The following EYS variants were observed in gnomAD, a reference collection of about 807,000 sequenced individuals.
EYS encodes EGF-like photoreceptor maintenance factor.
EYS carries 250 observed loss-of-function variants against 282.1 expected under a neutral mutation model. That is an observed-to-expected ratio of 0.89 (90% CI 0.80 to 0.98). The LOEUF (loss-of-function observed/expected upper bound fraction) is 0.98, where lower values mean the gene tolerates loss of function less well. Ranked by LOEUF, EYS falls within the 50% of genes least tolerant of loss-of-function variation. The pLI is 0.00. For synonymous variants in EYS, 1,355 were observed against 1,282.9 expected (o/e 1.06, Z -1.20); for missense variants, 4,016 against 3,709.0 (o/e 1.08, Z -2.15).
At position 65,646,020 on chromosome 6, in the gene EYS, T is replaced by C. The variant is rs542358928; in HGVS notation, c.-447-6128A>G. Among the ~76,000 whole-genome samples, 3 of 152,038 alleles carry C rather than the reference T, an allele frequency of 2.0e-5. No individual in the cohort carries two copies. The South Asian group carries it at 6.2e-4, about 32-fold the overall frequency. On this transcript the variant is annotated intron_variant, in intron 1 of 42. Coordinates refer to ENST00000503581, the MANE Select transcript of EYS (RefSeq NM_001142800.2). ...AACAAACCAATAACAAGCAGCGAGA[T>C]TGAAATGGTAATAAAAAAAATTCCC...
chr6:64,343,890 A>T (rs1003539812), intron 29 of EYS, among the ~76,000 whole-genome samples: 1 of 152,170 alleles, frequency 6.6e-6, no homozygotes, highest in Non-Finnish European at 1.5e-5. Context: ...CACTGATCCC[A>T]CAGAAATACA....
chr6:65,385,784 AGATAT>A (rs1374992548), intron 7 of EYS, among the ~76,000 whole-genome samples: 3 of 151,956 alleles, frequency 2.0e-5, no homozygotes, highest in Non-Finnish European at 4.4e-5. Flanking sequence ...ACAGATAGTA[AGATAT>A]ATGTACTTTA....
chr6:64,636,738 G>T (rs1767994930), intron 22 of EYS, among the ~76,000 whole-genome samples: 1 of 151,370 alleles, frequency 6.6e-6, no homozygotes, highest in African/African-American at 2.4e-5. Flanking sequence ...CAAACAAATT[G>T]ACAAGAAAAA....
intron 26 of EYS, among the ~76,000 whole-genome samples, chr6:64,450,327 A>C (rs1775281204): frequency 6.6e-6 from 1 of 152,188 alleles, no homozygotes; most frequent in African/African-American, 2.4e-5. Flanking sequence ...ATATATATGC[A>C]CCCAATACAG....
intron 29 of EYS, among the ~76,000 whole-genome samples, chr6:64,327,047 C>T (rs889835977): frequency 1.3e-4 from 19 of 151,958 alleles, no homozygotes; most frequent in Admixed American, 2.6e-4. Flanking sequence ...GTTTCAGGGA[C>T]GGAGGAGGTG....
intron 14 of EYS, among the ~76,000 whole-genome samples, chr6:64,970,839 T>C (rs891798454): frequency 1.8e-4 from 28 of 152,116 alleles, no homozygotes; most frequent in Admixed American, 1.8e-3. Context: ...TGCTGCCATT[T>C]TGAGATAAAT....
intron 31 of EYS, among the ~76,000 whole-genome samples, chr6:64,129,265 C>G (rs1259963236): frequency 6.6e-6 from 1 of 152,200 alleles, no homozygotes; most frequent in Non-Finnish European, 1.5e-5. Context: ...TCCTATTTCT[C>G]CACATCCTCT....
intron 35 of EYS, among the ~76,000 whole-genome samples, chr6:63,926,775 T>TA (rs1764728453): frequency 6.6e-6 from 1 of 152,172 alleles, no homozygotes; most frequent in African/African-American, 2.4e-5. Context: ...TCTCAGTACT[T>TA]AAAACATAAG....
At chr6:65,515,890 A>G (rs983139611) in intron 2 of EYS, among the ~76,000 whole-genome samples, 11 of 151,672 alleles carry the variant, frequency 7.3e-5, no homozygotes, top group African/African-American at 2.7e-4. Flanking sequence ...ATGTATACAT[A>G]TGTAACTAAC....
At chr6:63,779,726 G>C (rs1041981244) in intron 39 of EYS, among the ~76,000 whole-genome samples, 4 of 150,090 alleles carry the variant, frequency 2.7e-5, no homozygotes, top group Non-Finnish European at 3.0e-5. Flanking sequence ...TTTTTTTGGA[G>C]GCATAAAAAG....
chr6:65,194,740 G>C (rs1469486967), intron 12 of EYS, among the ~76,000 whole-genome samples: 1 of 151,924 alleles, frequency 6.6e-6, no homozygotes, highest in Non-Finnish European at 1.5e-5. Flanking sequence ...CTAGAGAAAA[G>C]ATCCAGACCC....
chr6:64,179,397 A>T (rs1234767406), intron 31 of EYS, among the ~76,000 whole-genome samples: 1 of 152,078 alleles, frequency 6.6e-6, no homozygotes, highest in Non-Finnish European at 1.5e-5. Context: ...AGTATAAACC[A>T]CCAAAGTAAC....
intron 5 of EYS, among the ~76,000 whole-genome samples, chr6:65,451,975 T>C (rs1009409267): frequency 2.0e-5 from 3 of 151,894 alleles, no homozygotes; most frequent in Non-Finnish European, 4.4e-5. Context: ...GGAAAATTAA[T>C]TTTTAATTTG....
intron 1 of EYS, among the ~76,000 whole-genome samples, chr6:65,659,084 GATTT>G (rs1342740241): frequency 6.6e-6 from 1 of 151,034 alleles, no homozygotes; most frequent in African/African-American, 2.4e-5. Context: ...AATCTCTCTT[GATTT>G]ATTTAATTTA....
intron 19 of EYS, among the ~76,000 whole-genome samples, chr6:64,865,489 T>C (rs1346182204): frequency 1.3e-5 from 2 of 152,070 alleles, no homozygotes; most frequent in African/African-American, 4.8e-5. Flanking sequence ...TTTTTAGATA[T>C]GTTACAGGAA....
chr6:64,634,050 C>T (rs930790750), intron 22 of EYS, among the ~76,000 whole-genome samples: 3 of 152,146 alleles, frequency 2.0e-5, no homozygotes, highest in African/African-American at 7.2e-5. Context: ...GTGGTGTGAT[C>T]TCAACTCACT....
chr6:63,870,205 A>C lies in EYS; in HGVS notation c.7056-5847T>G, dbSNP rs373096799. 4.9e-4 allele frequency among the ~76,000 whole-genome samples: 74 copies of C among 152,336 alleles called. 1 individual carries two copies. The South Asian group carries it at 0.014, about 30-fold the overall frequency. ...AAATGTTATTTTAATTTCCACTAAA[A>C]AGACATAAAAAATTATCTTAAAATA... On this transcript the variant is annotated intron_variant, in intron 35 of 42. Transcript: ENST00000503581.
intron 35 of EYS, among the ~76,000 whole-genome samples, chr6:63,965,931 T>G (rs1253821529): frequency 2.0e-5 from 3 of 152,216 alleles, no homozygotes; most frequent in African/African-American, 4.8e-5. Flanking sequence ...CAAACGGATA[T>G]GGGCTAAAAT....
chr6:65,587,567 C>CT (rs1765096097), intron 2 of EYS, among the ~76,000 whole-genome samples: 1 of 152,056 alleles, frequency 6.6e-6, no homozygotes, highest in African/African-American at 2.4e-5. Flanking sequence ...CTCTTCAGCC[C>CT]TGCAGATCTG....
Sources: gnomAD v4.1 joint callset for allele counts (sites outside exome capture counted in the v4.1 genomes callset) on GRCh38, gnomAD v4.1.1 for gene constraint, MANE v1.5 for transcripts, NCBI Gene and HGNC (gene_info 2026-07-23, HGNC 2026-07-21) for gene names.